The following DRAXIN variants were observed in gnomAD, a reference collection of about 807,000 sequenced individuals.
DRAXIN encodes dorsal inhibitory axon guidance protein.
In DRAXIN, 27 loss-of-function variants were observed where a neutral mutation model predicts 33.9. The ratio of observed to expected loss-of-function variants is 0.80; its 90% CI spans 0.59 to 1.10. DRAXIN has a LOEUF of 1.10. DRAXIN is among the 50% of genes least tolerant of loss of function. The probability of loss-of-function intolerance (pLI) is 0.00; values close to 1 mark genes in which losing one functional copy is unlikely to be tolerated. For missense variants in DRAXIN, 371 were observed against 460.8 expected, an observed-to-expected ratio of 0.81 and a Z score of 1.78; for synonymous variants, 178 against 194.0, an observed-to-expected ratio of 0.92 and a Z score of 0.69.
In DRAXIN at chr1:11,706,425, A is replaced by G; in HGVS notation, c.167A>G (p.His56Arg). Residue 56 changes from histidine to arginine, a missense_variant, in exon 2 of 7, where the codon CAC becomes CGC. Physicochemically the swap from His to Arg is conservative, Grantham distance 29. Coordinates refer to ENST00000294485, the MANE Select transcript of DRAXIN (RefSeq NM_198545.4). This position sits in a 1 kb window ranked among gnomAD's most constrained non-coding sequence, Gnocchi z 5.5. The stretch of plus-strand genomic sequence containing the variant: ...GCGCTGTGGACGCCTCAGGCCAGCC[A>G]CCACCGCCGGCGGGGCCCGGGCAAG... ...GPALWTPQAS[H>R]HRRRGPGKKE... 3.1e-6 allele frequency: 5 copies of G among 1,611,958 alleles called. No homozygotes were observed. Among genetic ancestry groups the G allele is most frequent in the Non-Finnish European group, 3.4e-6 (4 of 1,179,528 alleles).
intron 5 of DRAXIN, among the ~76,000 whole-genome samples, 174 bp from the exon 6 acceptor site, chr1:11,714,945 G>T (rs113341303): frequency 8.5e-5 from 13 of 152,376 alleles, no homozygotes; most frequent in African/African-American, 3.1e-4. Context: ...GGGGGCCTCG[G>T]CCATGACATC....
Position 11,696,478 on chromosome 1 carries a change from C to G in DRAXIN, c.-11+4625C>G, listed in dbSNP as rs958278884. 1.3e-5 allele frequency among the ~76,000 whole-genome samples: 2 copies of G among 151,900 alleles called. No individual in the cohort carries two copies. The highest frequency in any genetic ancestry group is 4.8e-5 in the African/African-American group (2 of 41,324). The stretch of plus-strand genomic sequence containing the variant: ...GTGGGAGCCTGTAATCCCAGTTACT[C>G]GGAAGGCTGAGGCAGGAGAATCGCT... On this transcript the variant is annotated intron_variant, in intron 1 of 6. Coordinates refer to ENST00000294485, the MANE Select transcript of DRAXIN (RefSeq NM_198545.4). This position sits in a 1 kb window ranked among gnomAD's most constrained non-coding sequence, Gnocchi z 4.7.
chr1:11,718,000 CAAAAA>C (rs57704802), intron 6 of DRAXIN, among the ~76,000 whole-genome samples: 2 of 80,890 alleles, frequency 2.5e-5, no homozygotes, highest in Non-Finnish European at 2.2e-5. Flanking sequence ...GACCCTGTCT[CAAAAA>C]AAAAAAAAAA....
intron 3 of DRAXIN, among the ~76,000 whole-genome samples, chr1:11,710,640 C>T (rs756675336): frequency 3.3e-5 from 5 of 151,932 alleles, no homozygotes; most frequent in East Asian, 3.9e-4. Context: ...TCAGGCCGGG[C>T]GCGGTGGCTC....
chr1:11,708,432 G>A (rs1184791164), intron 2 of DRAXIN, among the ~76,000 whole-genome samples: 1 of 152,236 alleles, frequency 6.6e-6, no homozygotes, highest in East Asian at 1.9e-4. Flanking sequence ...GCAATATGGA[G>A]AAACCCCATC....
intron 4 of DRAXIN, 78 bp from the exon 5 acceptor site, chr1:11,712,262 C>T (rs1020377964): frequency 5.2e-6 from 8 of 1,539,570 alleles, no homozygotes; most frequent in South Asian, 3.4e-5. Flanking sequence ...GGTATGGGCA[C>T]TCCAACATCT....
intron 2 of DRAXIN, among the ~76,000 whole-genome samples, chr1:11,708,385 C>T (rs1449466643): frequency 6.6e-6 from 1 of 152,192 alleles, no homozygotes; most frequent in African/African-American, 2.4e-5. Flanking sequence ...GCTGGGCAGG[C>T]AGATCACTTG....
chr1:11,706,105 A>T lies in DRAXIN; in HGVS notation c.-10-144A>T. The T allele has an allele frequency of 1.2e-6, 1 of 812,698 alleles. No individual in the cohort carries two copies. The highest frequency in any genetic ancestry group is 1.8e-6 in the Non-Finnish European group (1 of 542,238). The allele number at this position is 812,698 out of a possible 1,614,324, so 50.3% of individuals were successfully genotyped here. On this transcript the variant is annotated intron_variant, in intron 1 of 6. Coordinates refer to ENST00000294485, the MANE Select transcript of DRAXIN (RefSeq NM_198545.4). The surrounding 1 kb of genome is among the most constrained non-coding windows in gnomAD (Gnocchi z 5.5). ...GCACTCCCCAGTTTTGACAACTAAA[A>T]TATGTCTTCGGGCATTGCCAAATGT...
chr1:11,719,510 C>G (rs923804316), intron 6 of DRAXIN, 74 bp from the exon 7 acceptor site: 6 of 1,347,750 alleles, frequency 4.5e-6, no homozygotes, highest in African/African-American at 2.9e-5. Flanking sequence ...TGGCTGGCCC[C>G]GAGCGTGCAG....
intron 1 of DRAXIN, among the ~76,000 whole-genome samples, chr1:11,698,069 A>G (rs1214589759): frequency 2.0e-5 from 3 of 151,878 alleles, no homozygotes; most frequent in Admixed American, 2.0e-4. Flanking sequence ...ACCCACCCAC[A>G]CACAAACCAC....
rs934999982 is a variant in DRAXIN at position 11,725,050 on chromosome 1, C to T, written c.*5354C>T. The T allele has an allele frequency of 1.3e-5, 2 of 152,184 alleles. No homozygotes were observed. Among genetic ancestry groups the T allele is most frequent in the African/African-American group, 4.8e-5 (2 of 41,420 alleles). The allele number at this position is 152,184 out of a possible 1,614,324, so 9.4% of individuals were successfully genotyped here. ...TCTGGGTGCAAGAGGCTTTCTAGAC[C>T]TTAGACACTCAAGATTACGGTCCCG... On this transcript the variant is annotated 3_prime_UTR_variant, in exon 7 of 7. Transcript: ENST00000294485.
At chr1:11,703,400 C>A (rs529083388) in intron 1 of DRAXIN, among the ~76,000 whole-genome samples, 1 of 152,034 alleles carries the variant, frequency 6.6e-6, no homozygotes, top group African/African-American at 2.4e-5. Flanking sequence ...GCAGAGGGGA[C>A]AGGCAAAGTG....
At chr1:11,700,454 C>A (rs1157288511) in intron 1 of DRAXIN, among the ~76,000 whole-genome samples, 1 of 152,236 alleles carries the variant, frequency 6.6e-6, no homozygotes, top group Non-Finnish European at 1.5e-5. Context: ...CTGGAATACT[C>A]TTCAGTGAAC....
At chr1:11,700,155 G>A (rs1181457873) in intron 1 of DRAXIN, among the ~76,000 whole-genome samples, 2 of 144,636 alleles carry the variant, frequency 1.4e-5, no homozygotes, top group Non-Finnish European at 3.0e-5. Context: ...GCTTGAACAC[G>A]GGAGACGGAG....
At chr1:11,714,979 C>T in intron 5 of DRAXIN, 140 bp from the exon 6 acceptor site, 2 of 926,626 alleles carry the variant, frequency 2.2e-6, no homozygotes, top group Non-Finnish European at 3.3e-6. Context: ...ACTCAGGAGC[C>T]TTGCACACCA....
In DRAXIN at chr1:11,695,612, ATAT is replaced by A. The variant is rs761521124; in HGVS notation, c.-11+3760_-11+3762del. Among the ~76,000 whole-genome samples, 914 of 137,578 alleles carry A rather than the reference ATAT, an allele frequency of 6.6e-3. 6 individuals are homozygous for A. Among genetic ancestry groups the A allele is most frequent in the African/African-American group, 0.022 (808 of 36,078 alleles). 90.3% of individuals were successfully genotyped at this position (137,578 alleles called of 152,430 possible). On this transcript the variant is annotated intron_variant, in intron 1 of 6. Transcript: ENST00000294485. Reference sequence around the variant, plus strand: ...GTGAGATTCTGTCTCAAAAAAAAAAATATATATATATATATATACTTCAAAGGG... The same window carrying A: ...GTGAGATTCTGTCTCAAAAAAAAAAAATATATATATATATACTTCAAAGGG...
Position 11,710,485 on chromosome 1 carries a change from A to T in DRAXIN, c.642+1020A>T, listed in dbSNP as rs531270334. On this transcript the variant is annotated intron_variant, in intron 3 of 6. Coordinates refer to ENST00000294485, the MANE Select transcript of DRAXIN (RefSeq NM_198545.4). ...ACTCCAGCCTGGGCGACAGAGTGAGACCCTGTCTCAAGGGAAAAAAAAAAT... is the reference window on the plus strand; with the variant it reads ...ACTCCAGCCTGGGCGACAGAGTGAGTCCCTGTCTCAAGGGAAAAAAAAAAT... Among the ~76,000 whole-genome samples, 71 of 151,826 alleles carry T rather than the reference A, an allele frequency of 4.7e-4. 1 individual carries two copies. Among genetic ancestry groups the T allele is most frequent in the African/African-American group, 1.6e-3 (68 of 41,376 alleles).
At chr1:11,695,001 T>C (rs1428066567) in intron 1 of DRAXIN, among the ~76,000 whole-genome samples, 1 of 152,202 alleles carries the variant, frequency 6.6e-6, no homozygotes, top group East Asian at 1.9e-4. Flanking sequence ...ATTGCAGGAC[T>C]TAATGGTTTT....
chr1:11,718,377 T>C (rs2100744989), intron 6 of DRAXIN, among the ~76,000 whole-genome samples: 1 of 152,070 alleles, frequency 6.6e-6, no homozygotes, highest in African/African-American at 2.4e-5. Flanking sequence ...AGGGCAGAAT[T>C]TGAGCCACTT....
Sources: allele counts gnomAD v4.1 joint callset (sites outside exome capture counted in the v4.1 genomes callset), GRCh38; gene constraint gnomAD v4.1.1; non-coding constraint Gnocchi (gnomAD v3.1); transcripts MANE v1.5; gene names NCBI Gene and HGNC (gene_info 2026-07-23, HGNC 2026-07-21).